Variants in LONP1 observed in about 807,000 individuals in gnomAD.
LONP1 encodes lon protease homolog, mitochondrial.
LONP1 carries 31 observed loss-of-function variants against 98.5 expected under a neutral mutation model. That is an observed-to-expected ratio of 0.31 (90% CI 0.24 to 0.42). The LOEUF is 0.42. LONP1 is among the 20% of genes least tolerant of loss of function. The pLI, the probability that LONP1 is intolerant of heterozygous loss-of-function variation, is 1.00. For synonymous variants in LONP1, 781 were observed against 594.7 expected, an observed-to-expected ratio of 1.31 and a Z score of -4.56; for missense variants, 1,336 against 1,350.6, an observed-to-expected ratio of 0.99 and a Z score of 0.17.
intron 7 of LONP1, 152 bp from the exon 8 acceptor site, chr19:5,706,144 CTT>C: frequency 1.6e-6 from 1 of 617,860 alleles, no homozygotes; most frequent in Non-Finnish European, 2.8e-6. Flanking sequence ...CTTCCATCTT[CTT>C]TTGTTTTTGA....
At chr19:5,711,330 T>TC (rs1286665694) in intron 4 of LONP1, among the ~76,000 whole-genome samples, 1 of 152,242 alleles carries the variant, frequency 6.6e-6, no homozygotes, top group Non-Finnish European at 1.5e-5. Context: ...GGAAGCTGAC[T>TC]CCTTGTGCCA....
At chr19:5,709,742 T>A (rs1251912876) in intron 4 of LONP1, among the ~76,000 whole-genome samples, 1 of 151,540 alleles carries the variant, frequency 6.6e-6, no homozygotes, top group African/African-American at 2.4e-5. Flanking sequence ...ACCCCGTCTC[T>A]ACTAAAAAAT....
chr19:5,706,491 CAGCT>C (rs2055147367), intron 7 of LONP1, among the ~76,000 whole-genome samples: 2 of 152,018 alleles, frequency 1.3e-5, no homozygotes, highest in Non-Finnish European at 2.9e-5. Context: ...CCTGTAATCC[CAGCT>C]ACTCGGGAGG....
intron 2 of LONP1, 128 bp from the exon 3 acceptor site, chr19:5,713,381 C>T: frequency 8.4e-7 from 1 of 1,190,760 alleles, no homozygotes; most frequent in Non-Finnish European, 1.2e-6. Flanking sequence ...CCAAGAGCGG[C>T]CTCCTTGGCT....
intron 10 of LONP1, among the ~76,000 whole-genome samples, chr19:5,698,574 G>A (rs1019908805): frequency 3.3e-5 from 5 of 152,172 alleles, no homozygotes; most frequent in African/African-American, 4.8e-5. Context: ...TCTGGTGTGC[G>A]CGGCCCGGTC....
chr19:5,708,311 C>T (rs763544117), intron 5 of LONP1, 31 bp downstream of exon 5: 49 of 1,607,274 alleles, frequency 3.0e-5, no homozygotes, highest in East Asian at 6.7e-5. Flanking sequence ...GAGATGCCCC[C>T]GCCTGGCCAG....
intron 4 of LONP1, among the ~76,000 whole-genome samples, chr19:5,710,623 C>A (rs1235859438): frequency 6.6e-6 from 1 of 152,106 alleles, no homozygotes; most frequent in African/African-American, 2.4e-5. Flanking sequence ...AGTGATCCTC[C>A]TTCCTTGGCC....
intron 8 of LONP1, among the ~76,000 whole-genome samples, chr19:5,702,302 G>A (rs1265223784): frequency 1.4e-5 from 2 of 147,834 alleles, no homozygotes; most frequent in Non-Finnish European, 3.0e-5. Flanking sequence ...CCGGGAGGGA[G>A]GTGGAGGCGT....
rs375064142 is a variant in LONP1 at position 5,711,754 on chromosome 19, G to A, written c.870+17C>T. 15 of 1,594,834 alleles carry A rather than the reference G, an allele frequency of 9.4e-6. No homozygotes were observed. The African/African-American group carries it at 1.2e-4, about 13-fold the overall frequency. On this transcript the variant is annotated intron_variant, in intron 4 of 17. Transcript: ENST00000360614. Reference sequence around the variant, plus strand: ...GGGGAGGCAGCTGTGGCCGCCCTGCGTGACGCACGGACTCACTTTCACCTC... The same window carrying A: ...GGGGAGGCAGCTGTGGCCGCCCTGCATGACGCACGGACTCACTTTCACCTC...
chr19:5,713,946 A>G (rs2055275302), intron 2 of LONP1, among the ~76,000 whole-genome samples: 1 of 152,196 alleles, frequency 6.6e-6, no homozygotes, highest in African/African-American at 2.4e-5. Flanking sequence ...TTCATCACTA[A>G]GAGTCCCTGA....
chr19:5,705,614 G>A (rs945358530), intron 8 of LONP1, among the ~76,000 whole-genome samples, 158 bp downstream of exon 8: 2 of 152,294 alleles, frequency 1.3e-5, no homozygotes, highest in African/African-American at 4.8e-5. Flanking sequence ...GATGTGTCCT[G>A]CCCAGAACAG....
chr19:5,694,263 A>C lies in LONP1; in HGVS notation c.2320+124T>G, dbSNP rs1456464298. 5 of 1,304,888 alleles carry C rather than the reference A, an allele frequency of 3.8e-6. No individual in the cohort carries two copies. In the South Asian group the frequency reaches 5.6e-5, roughly 15 times the overall value. 80.8% of individuals were successfully genotyped at this position (1,304,888 alleles called of 1,614,324 possible). A position where few individuals can be genotyped will look rare whatever the true frequency, so the allele number is the denominator to read the frequency against. On this transcript the variant is annotated intron_variant, in intron 15 of 17. Transcript: ENST00000360614. ...AGACCCCCTGGGCTCCCAGCACACC[A>C]CCCCCCGCCAGAGGCCGTTCAGAGC...
In LONP1 at chr19:5,694,908, G is replaced by A. The variant is rs1253895922; in HGVS notation, c.2014-7C>T. The A allele has an allele frequency of 6.3e-7, 1 of 1,590,184 alleles. No homozygotes were observed. The highest frequency in any genetic ancestry group is 8.6e-7 in the Non-Finnish European group (1 of 1,161,482). ...CCTGGGGCACCAGGTAGCGCTGCAA[G>A]GGCAACCGTCAGGGTTGGGTCTGGA... On this transcript the variant is annotated splice_polypyrimidine_tract_variant and splice_region_variant and intron_variant, in intron 13 of 17. Transcript: ENST00000360614.
intron 9 of LONP1, among the ~76,000 whole-genome samples, 195 bp downstream of exon 9, chr19:5,700,594 T>C (rs770574235): frequency 6.6e-6 from 1 of 152,162 alleles, no homozygotes; most frequent in Non-Finnish European, 1.5e-5. Flanking sequence ...CAGGCATGAC[T>C]TCAGTCCACC....
rs764088202 is a variant in LONP1, at chr19:5,713,139, G to C, written c.633C>G (p.His211Gln). 24 of 1,613,818 alleles carry C rather than the reference G, an allele frequency of 1.5e-5. No homozygotes were observed. The highest frequency in any genetic ancestry group is 2.7e-5 in the African/African-American group (2 of 74,890). ...GDKLRMIVMG[H>Q]RRVHISRQLE... ...GTCCCCCGCCAGCCACCCACCTTCT[G>C]TGTCCCATGACGATCATGCGCAGCT... Residue 211 changes from histidine to glutamine, a missense_variant, in exon 3 of 18, where the codon CAC becomes CAG. By Grantham distance (24) the His-to-Gln change is conservative (BLOSUM62 0). Coordinates refer to ENST00000360614, the MANE Select transcript of LONP1 (RefSeq NM_004793.4).
chr19:5,697,177 CAG>C (rs1441663336), intron 10 of LONP1, among the ~76,000 whole-genome samples: 5 of 152,274 alleles, frequency 3.3e-5, no homozygotes, highest in African/African-American at 1.2e-4. Context: ...TGCCCCAGCA[CAG>C]GGGCCCGGCC....
chr19:5,720,107 C>G lies in LONP1; in HGVS notation c.26G>C (p.Arg9Pro). ...CCAGCACCGCGCCGCTCCCCACAGT[C>G]GCACGTAGCCAGTGCTCGCCGCCAT... MAASTGYV[R>P]LWGAARCWVL... is the part of the protein sequence containing the mutation. The change falls in exon 1 of 18, where the codon CGA becomes CCA. Residue 9 changes from arginine (R) to proline (P), a missense_variant. By Grantham distance (103) the Arg-to-Pro change is moderately radical. Around this residue, in one of 5 missense-constraint regions of LONP1, gnomAD observed 457 missense variants for 403.1 expected, o/e 1.13. Transcript: ENST00000360614. 6.9e-7 allele frequency: 1 copy of G among 1,453,566 alleles called. No homozygotes were observed. Among genetic ancestry groups the G allele is most frequent in the Non-Finnish European group, 9.0e-7 (1 of 1,112,378 alleles). 90.0% of individuals were successfully genotyped at this position (1,453,566 alleles called of 1,614,324 possible). A position where few individuals can be genotyped will look rare whatever the true frequency, so the allele number is the denominator to read the frequency against.
chr19:5,693,173 CCTG>C (rs1258964722), intron 17 of LONP1, 122 bp downstream of exon 17: 3 of 1,219,336 alleles, frequency 2.5e-6, no homozygotes, highest in Middle Eastern at 2.6e-4. Context: ...GCCAGAGAGA[CCTG>C]CTTCCAAAGC....
chr19:5,714,362 G>A, intron 1 of LONP1, 91 bp from the exon 2 acceptor site: 1 of 889,426 alleles, frequency 1.1e-6, no homozygotes, highest in South Asian at 1.4e-5. Flanking sequence ...GAATGTAATG[G>A]CGTGATCTCA....
Sources: gnomAD v4.1 joint callset for allele counts (sites outside exome capture counted in the v4.1 genomes callset) on GRCh38, gnomAD v4.1.1 for gene constraint, gnomAD v4.1.1 regional missense constraint, MANE v1.5 for transcripts, NCBI Gene and HGNC (gene_info 2026-07-23, HGNC 2026-07-21) for gene names.